Variants in MND1 observed in about 807,000 individuals in gnomAD.
The protein encoded by MND1 is meiotic nuclear divisions 1.
A neutral mutation model predicts 35.1 loss-of-function variants in MND1; 28 were observed. That is an observed-to-expected ratio of 0.80 (90% CI 0.59 to 1.09). MND1 has a LOEUF of 1.09. MND1 is among the 50% of genes least tolerant of loss of function. MND1 has a pLI of 0.00. For missense variants in MND1, 213 were observed against 239.6 expected, an observed-to-expected ratio of 0.89 and a Z score of 0.73; for synonymous variants, 69 against 70.5, an observed-to-expected ratio of 0.98 and a Z score of 0.11.
At chr4:153,383,755 C>T (rs548246366) in intron 4 of MND1, among the ~76,000 whole-genome samples, 1 of 152,342 alleles carries the variant, frequency 6.6e-6, no homozygotes, top group South Asian at 2.1e-4. Context: ...CTTCCAACAT[C>T]TGATCCCATT....
At chr4:153,395,491 T>C (rs1167857362) in intron 5 of MND1, among the ~76,000 whole-genome samples, 2 of 152,226 alleles carry the variant, frequency 1.3e-5, no homozygotes, top group African/African-American at 2.4e-5. Context: ...TGAAGTCTTG[T>C]GCTCATCCTG....
intron 4 of MND1, among the ~76,000 whole-genome samples, chr4:153,365,373 C>G (rs1773609533): frequency 6.6e-6 from 1 of 152,136 alleles, no homozygotes; most frequent in Non-Finnish European, 1.5e-5. Flanking sequence ...GAAAGGAACA[C>G]AGGACATGGA....
chr4:153,410,921 G>A (rs925857837), intron 7 of MND1, among the ~76,000 whole-genome samples: 31 of 152,290 alleles, frequency 2.0e-4, no homozygotes, highest in African/African-American at 7.0e-4. Context: ...AACCCAGGAG[G>A]CGGAGGTTGC....
chr4:153,350,035 T>C (rs750969494), intron 1 of MND1, 29 bp from the exon 2 acceptor site: 1 of 1,480,932 alleles, frequency 6.8e-7, no homozygotes, highest in Non-Finnish European at 9.3e-7. Context: ...TTTAAAAGCA[T>C]TGTTTACTTG....
rs555700331 is a variant in MND1 at position 153,387,708 on chromosome 4, C to G, written c.277-6554C>G. On this transcript the variant is annotated intron_variant, in intron 4 of 7. Coordinates refer to ENST00000240488, the MANE Select transcript of MND1 (RefSeq NM_032117.4). Reference sequence around the variant, plus strand: ...TTGAGCCTGGGAGATCATGATCACACCACTACACTCCAGCCTGGGTGACAG... The same window carrying G: ...TTGAGCCTGGGAGATCATGATCACAGCACTACACTCCAGCCTGGGTGACAG... 2.0e-5 allele frequency among the ~76,000 whole-genome samples: 3 copies of G among 152,194 alleles called. No homozygotes were observed. The South Asian group carries it at 6.2e-4, about 32-fold the overall frequency.
intron 6 of MND1, among the ~76,000 whole-genome samples, chr4:153,401,307 C>T (rs1729342351): frequency 6.6e-6 from 1 of 151,728 alleles, no homozygotes; most frequent in South Asian, 2.1e-4. Context: ...TTCAAGGGAC[C>T]TAATATATGT....
At position 153,392,340 on chromosome 4, in the gene MND1, C is replaced by T. The variant is rs188873356; in HGVS notation, c.277-1922C>T. Among the ~76,000 whole-genome samples the T allele has an allele frequency of 3.3e-4, 50 of 152,158 alleles. No homozygotes were observed. The East Asian group carries it at 8.5e-3, about 26-fold the overall frequency. Reference sequence around the variant, plus strand: ...CAGGATGGTCTCGATCTCCTGACCTCGTGATCGGCCCGCCTCAGCCTCCCA... The same window carrying T: ...CAGGATGGTCTCGATCTCCTGACCTTGTGATCGGCCCGCCTCAGCCTCCCA... On this transcript the variant is annotated intron_variant, in intron 4 of 7. Transcript: ENST00000240488.
At chr4:153,389,649 C>A (rs1728965973) in intron 4 of MND1, among the ~76,000 whole-genome samples, 1 of 152,220 alleles carries the variant, frequency 6.6e-6, no homozygotes, top group African/African-American at 2.4e-5. Context: ...GTGTAAGCCA[C>A]TGCGCCCAGC....
chr4:153,394,522 G>A (rs1729147328), intron 5 of MND1, among the ~76,000 whole-genome samples, 186 bp downstream of exon 5: 1 of 152,086 alleles, frequency 6.6e-6, no homozygotes, highest in African/African-American at 2.4e-5. Flanking sequence ...ATTATATATG[G>A]CAGCATAGCA....
chr4:153,377,347 C>G (rs1018095504), intron 4 of MND1, among the ~76,000 whole-genome samples: 1 of 152,170 alleles, frequency 6.6e-6, no homozygotes, highest in Non-Finnish European at 1.5e-5. Context: ...ATAGCTAAAA[C>G]TGAGTGCATC....
intron 6 of MND1, among the ~76,000 whole-genome samples, chr4:153,401,841 A>G (rs1212793062): frequency 6.6e-6 from 1 of 152,208 alleles, no homozygotes; most frequent in South Asian, 2.1e-4. Context: ...CACCCATGAG[A>G]AATACATATA....
chr4:153,353,967 G>A lies in MND1; in HGVS notation c.70-1687G>A, dbSNP rs530831880. Among the ~76,000 whole-genome samples the A allele has an allele frequency of 3.4e-4, 51 of 152,232 alleles. No homozygotes were observed. In the East Asian group the frequency reaches 7.1e-3, roughly 21 times the overall value. On this transcript the variant is annotated intron_variant, in intron 2 of 7. Transcript: ENST00000240488. The stretch of plus-strand genomic sequence containing the variant: ...ACTCCTGAGCTCAAATGATCCACCC[G>A]CCTCAGCCTCCCAAAGTGCTGGGAT...
intron 4 of MND1, among the ~76,000 whole-genome samples, chr4:153,378,479 G>T (rs546146556): frequency 6.6e-6 from 1 of 152,284 alleles, no homozygotes; most frequent in South Asian, 2.1e-4. Flanking sequence ...GCAATCCTGG[G>T]TTGACAAAGA....
At chr4:153,368,868 T>C (rs754865641) in intron 4 of MND1, among the ~76,000 whole-genome samples, 6 of 152,258 alleles carry the variant, frequency 3.9e-5, no homozygotes, top group Non-Finnish European at 7.3e-5. Flanking sequence ...AACAAAAATA[T>C]GTACTCCAAA....
intron 4 of MND1, among the ~76,000 whole-genome samples, chr4:153,383,250 G>C (rs767807970): frequency 4.6e-5 from 7 of 152,192 alleles, no homozygotes; most frequent in Non-Finnish European, 1.0e-4. Flanking sequence ...CGGAGAGTCT[G>C]TGTACTATGA....
chr4:153,362,207 T>C (rs1473133748), intron 4 of MND1, among the ~76,000 whole-genome samples: 1 of 152,242 alleles, frequency 6.6e-6, no homozygotes, highest in Non-Finnish European at 1.5e-5. Flanking sequence ...TCATCTCTTT[T>C]ATAACTTTAA....
chr4:153,361,433 G>C, intron 4 of MND1: 1 of 455,824 alleles, frequency 2.2e-6, no homozygotes, highest in Non-Finnish European at 4.4e-6. Context: ...ATTTCCTTCA[G>C]TCTTTGATGT....
At chr4:153,403,584 G>C (rs1223837122) in intron 6 of MND1, among the ~76,000 whole-genome samples, 1 of 152,050 alleles carries the variant, frequency 6.6e-6, no homozygotes, top group Non-Finnish European at 1.5e-5. Context: ...ATCCTGGGGA[G>C]GGGGAAGAAT....
intron 4 of MND1, among the ~76,000 whole-genome samples, chr4:153,361,129 G>A (rs1342850248): frequency 6.6e-6 from 1 of 152,188 alleles, no homozygotes; most frequent in African/African-American, 2.4e-5. Context: ...ACTGCGACCG[G>A]CCTGTAACCC....
Sources: allele counts gnomAD v4.1 joint callset (sites outside exome capture counted in the v4.1 genomes callset), GRCh38; gene constraint gnomAD v4.1.1; transcripts MANE v1.5; gene names NCBI Gene and HGNC (gene_info 2026-07-23, HGNC 2026-07-21).